OPCML: variants seen among roughly 807,000 people sequenced by gnomAD.
The protein encoded by OPCML is opioid-binding protein/cell adhesion molecule.
A neutral mutation model predicts 37.8 loss-of-function variants in OPCML; 13 were observed. The observed-to-expected ratio is 0.34, with a 90% CI of 0.22 to 0.55. OPCML has a LOEUF of 0.55. OPCML is among the 20% of genes least tolerant of loss of function. The probability of loss-of-function intolerance (pLI) is 0.91; values close to 1 mark genes in which losing one functional copy is unlikely to be tolerated. For missense variants in OPCML, 341 were observed against 435.6 expected, an observed-to-expected ratio of 0.78 and a Z score of 1.93; for synonymous variants, 176 against 168.8, an observed-to-expected ratio of 1.04 and a Z score of -0.33.
intron 1 of OPCML, among the ~76,000 whole-genome samples, chr11:133,055,116 G>T (rs1170836521): frequency 3.3e-5 from 5 of 149,580 alleles, no homozygotes; most frequent in Non-Finnish European, 7.4e-5. Context: ...GTACAATGCT[G>T]CCTCCATGAT....
chr11:133,431,571 T>G (rs757888510), intron 1 of OPCML, among the ~76,000 whole-genome samples: 1 of 152,012 alleles, frequency 6.6e-6, no homozygotes, highest in Non-Finnish European at 1.5e-5. Flanking sequence ...GTTCAAGAGA[T>G]TCTCCTCCAT....
chr11:132,447,833 T>A (rs1394784573), intron 4 of OPCML, among the ~76,000 whole-genome samples: 1 of 152,246 alleles, frequency 6.6e-6, no homozygotes, highest in Non-Finnish European at 1.5e-5. Flanking sequence ...CGCTCCAATG[T>A]AGGACTCTGC....
intron 1 of OPCML, among the ~76,000 whole-genome samples, chr11:133,074,718 C>A (rs751104051): frequency 6.6e-6 from 1 of 152,128 alleles, no homozygotes; most frequent in Non-Finnish European, 1.5e-5. Context: ...AATTTTTTAT[C>A]TACTCTTGCA....
intron 3 of OPCML, among the ~76,000 whole-genome samples, chr11:132,597,131 G>T (rs1477468234): frequency 2.0e-5 from 3 of 152,096 alleles, no homozygotes; most frequent in East Asian, 3.9e-4. Context: ...CAAAGAAAGA[G>T]AAAGAACCAA....
intron 1 of OPCML, among the ~76,000 whole-genome samples, chr11:133,233,379 G>A (rs996089840): frequency 3.0e-4 from 46 of 152,110 alleles, no homozygotes; most frequent in African/African-American, 1.0e-3. Flanking sequence ...TTCTGTCTAC[G>A]AGCAGGGCAT....
At chr11:133,266,886 T>C (rs1242384563) in intron 1 of OPCML, among the ~76,000 whole-genome samples, 1 of 152,170 alleles carries the variant, frequency 6.6e-6, no homozygotes, top group Non-Finnish European at 1.5e-5. Flanking sequence ...CACAGAATAA[T>C]GGATGTGATG....
chr11:133,473,112 A>C (rs2137009972), intron 1 of OPCML, among the ~76,000 whole-genome samples: 1 of 152,324 alleles, frequency 6.6e-6, no homozygotes, highest in Non-Finnish European at 1.5e-5. Flanking sequence ...TCTTCAGGAA[A>C]GATGAGTCTA....
intron 4 of OPCML, among the ~76,000 whole-genome samples, chr11:132,451,381 G>A (rs1338931267): frequency 1.3e-5 from 2 of 151,754 alleles, no homozygotes; most frequent in Admixed American, 6.6e-5. Context: ...TAGGGCTGGG[G>A]CGGGGGTGGG....
chr11:132,716,588 C>G (rs1163718183), intron 2 of OPCML, among the ~76,000 whole-genome samples: 1 of 152,150 alleles, frequency 6.6e-6, no homozygotes, highest in Non-Finnish European at 1.5e-5. Context: ...TAAATCACTT[C>G]TCTAGGAGAT....
At chr11:132,779,248 A>T (rs972787816) in intron 2 of OPCML, among the ~76,000 whole-genome samples, 1 of 152,178 alleles carries the variant, frequency 6.6e-6, no homozygotes, top group Non-Finnish European at 1.5e-5. Context: ...GATTACAGGC[A>T]TGAGTCACCA....
At chr11:133,236,918 A>G (rs1170404327) in intron 1 of OPCML, among the ~76,000 whole-genome samples, 1 of 152,100 alleles carries the variant, frequency 6.6e-6, no homozygotes, top group African/African-American at 2.4e-5. Context: ...GTTATAAATG[A>G]CCCTGTCTCC....
intron 2 of OPCML, among the ~76,000 whole-genome samples, chr11:132,787,371 T>C (rs1271962631): frequency 6.6e-6 from 1 of 152,212 alleles, no homozygotes; most frequent in Non-Finnish European, 1.5e-5. Flanking sequence ...ACAGAATTTG[T>C]TTATTTGTAA....
intron 1 of OPCML, among the ~76,000 whole-genome samples, chr11:133,352,771 A>C (rs1352544246): frequency 1.3e-5 from 2 of 152,204 alleles, no homozygotes; most frequent in Admixed American, 6.5e-5. Context: ...CGCTGTTTTC[A>C]TTTCTATTTC....
At chr11:132,940,472 G>T (rs2136666151) in intron 2 of OPCML, among the ~76,000 whole-genome samples, 1 of 152,266 alleles carries the variant, frequency 6.6e-6, no homozygotes, top group South Asian at 2.1e-4. Context: ...CTTTAAGGAG[G>T]CAAAAGAGTA....
At chr11:133,284,573 A>G (rs1724899345) in intron 1 of OPCML, among the ~76,000 whole-genome samples, 1 of 152,192 alleles carries the variant, frequency 6.6e-6, no homozygotes, top group South Asian at 2.1e-4. Context: ...CTTTTACTCA[A>G]GAGAAACTGG....
At chr11:132,524,695 G>A (rs1335115314) in intron 4 of OPCML, among the ~76,000 whole-genome samples, 1 of 152,136 alleles carries the variant, frequency 6.6e-6, no homozygotes, top group Non-Finnish European at 1.5e-5. Flanking sequence ...AAATGCCCAG[G>A]TTCTGGGAAT....
chr11:132,711,051 C>A (rs911417654), intron 2 of OPCML, among the ~76,000 whole-genome samples: 5 of 152,188 alleles, frequency 3.3e-5, no homozygotes, highest in Middle Eastern at 3.4e-3. Flanking sequence ...GAGACCAACG[C>A]CAGTGACAGA....
At chr11:133,128,053 G>T (rs1279465838) in intron 1 of OPCML, among the ~76,000 whole-genome samples, 2 of 152,072 alleles carry the variant, frequency 1.3e-5, no homozygotes, top group Non-Finnish European at 2.9e-5. Context: ...GTTTTTTCAG[G>T]AATCCCTTAT....
chr11:133,333,046 C>CTAGTAGTAG (rs34681592), intron 1 of OPCML, among the ~76,000 whole-genome samples: 14 of 151,122 alleles, frequency 9.3e-5, no homozygotes, highest in African/African-American at 1.2e-4. Context: ...AGTAGTAGTA[C>CTAGTAGTAG]TAGTAGTAGT....
Sources: allele counts gnomAD v4.1 joint callset (sites outside exome capture counted in the v4.1 genomes callset), GRCh38; gene constraint gnomAD v4.1.1; transcripts MANE v1.5; gene names NCBI Gene and HGNC (gene_info 2026-07-23, HGNC 2026-07-21).